Variants in GRK3 observed in about 807,000 individuals in gnomAD.
GRK3 encodes the protein G protein-coupled receptor kinase 3, also known as adrenergic, beta, receptor kinase 2.
In GRK3, 54 loss-of-function variants were observed where a neutral mutation model predicts 95.7. The observed-to-expected ratio is 0.56, with a 90% CI of 0.45 to 0.71. The LOEUF is 0.71. GRK3 is among the 30% of genes least tolerant of loss of function. The pLI, the probability that GRK3 is intolerant of heterozygous loss-of-function variation, is 0.00. For missense variants in GRK3, 649 were observed against 851.2 expected, an observed-to-expected ratio of 0.76 and a Z score of 2.96; for synonymous variants, 281 against 290.8, an observed-to-expected ratio of 0.97 and a Z score of 0.34.
chr22:25,591,511 C>T (rs1326265407), intron 1 of GRK3, among the ~76,000 whole-genome samples: 1 of 152,068 alleles, frequency 6.6e-6, no homozygotes, highest in Admixed American at 6.5e-5. Context: ...CTTCCTCTGG[C>T]AACAAGCCCC....
At chr22:25,658,206 A>C (rs1008738731) in intron 3 of GRK3, among the ~76,000 whole-genome samples, 1 of 152,146 alleles carries the variant, frequency 6.6e-6, no homozygotes, top group African/African-American at 2.4e-5. Context: ...CCTCTTGCAT[A>C]TGGGTCACAT....
chr22:25,587,846 G>GACGT (rs1234173756), intron 1 of GRK3, among the ~76,000 whole-genome samples: 2 of 152,200 alleles, frequency 1.3e-5, no homozygotes, highest in Non-Finnish European at 2.9e-5. Context: ...TGCTATGTAA[G>GACGT]ACGTACCCTT....
rs1031241546 is a variant in GRK3, at chr22:25,722,465, G to A, written c.*15G>A. The A allele has an allele frequency of 2.5e-5, 40 of 1,613,198 alleles. No homozygotes were observed. In the East Asian group the frequency reaches 8.9e-4, roughly 36 times the overall value. On this transcript the variant is annotated 3_prime_UTR_variant, in exon 21 of 21. Transcript: ENST00000324198. Reference sequence around the variant, plus strand: ...ACGGCCTCTAGCACCCAGAAACAGGGAGGGTCCTCGAGGAGGACACACCAG... The same window carrying A: ...ACGGCCTCTAGCACCCAGAAACAGGAAGGGTCCTCGAGGAGGACACACCAG...
chr22:25,607,395 A>G (rs2084458961), intron 2 of GRK3, among the ~76,000 whole-genome samples: 2 of 151,834 alleles, frequency 1.3e-5, no homozygotes, highest in Non-Finnish European at 2.9e-5. Context: ...GTATTCAAAT[A>G]CTGTTCTTGT....
intron 5 of GRK3, among the ~76,000 whole-genome samples, chr22:25,667,382 A>G (rs1257931238): frequency 2.6e-5 from 4 of 152,208 alleles, no homozygotes; most frequent in Admixed American, 2.0e-4. Flanking sequence ...AAGAATTTCA[A>G]AATGGCAACA....
intron 15 of GRK3, among the ~76,000 whole-genome samples, chr22:25,706,681 C>T (rs1356008569): frequency 6.6e-6 from 1 of 152,086 alleles, no homozygotes; most frequent in African/African-American, 2.4e-5. Context: ...CAGGTGTGCA[C>T]CACCACGCCC....
intron 2 of GRK3, among the ~76,000 whole-genome samples, chr22:25,632,450 A>G (rs1215130601): frequency 1.3e-5 from 2 of 152,154 alleles, no homozygotes; most frequent in African/African-American, 2.4e-5. Flanking sequence ...TAGCAGATAT[A>G]TATTTTGCAA....
chr22:25,599,902 G>A (rs569276665), intron 1 of GRK3, among the ~76,000 whole-genome samples: 1 of 152,272 alleles, frequency 6.6e-6, no homozygotes, highest in African/African-American at 2.4e-5. Flanking sequence ...CTGTGTTGCT[G>A]ATGGGAATCT....
At chr22:25,678,026 A>G (rs999276409) in intron 8 of GRK3, among the ~76,000 whole-genome samples, 11 of 152,236 alleles carry the variant, frequency 7.2e-5, no homozygotes, top group African/African-American at 2.7e-4. Context: ...AAACGTCATA[A>G]CTTAAATATC....
intron 1 of GRK3, among the ~76,000 whole-genome samples, chr22:25,592,625 A>C (rs112933419): frequency 0.073 from 10,317 of 141,574 alleles, 469 homozygotes; most frequent in African/African-American, 0.15. Flanking sequence ...ACCTATGGTC[A>C]ATCTTGAATT....
intron 1 of GRK3, among the ~76,000 whole-genome samples, chr22:25,572,491 A>C (rs1931738843): frequency 6.6e-6 from 1 of 152,144 alleles, no homozygotes; most frequent in African/African-American, 2.4e-5. Context: ...AAGTGTTCTT[A>C]TTTCTCCACA....
chr22:25,633,903 G>A (rs2084681535), intron 2 of GRK3, among the ~76,000 whole-genome samples: 1 of 152,108 alleles, frequency 6.6e-6, no homozygotes, highest in South Asian at 2.1e-4. Flanking sequence ...TAGTTATGGT[G>A]AGTGTTCACT....
chr22:25,645,889 C>A (rs1045820463), intron 3 of GRK3, among the ~76,000 whole-genome samples: 9 of 151,652 alleles, frequency 5.9e-5, no homozygotes, highest in African/African-American at 2.2e-4. Context: ...CCACTGCACT[C>A]CAGCCTGGGC....
intron 2 of GRK3, among the ~76,000 whole-genome samples, chr22:25,616,282 C>A (rs1247577063): frequency 1.3e-5 from 2 of 152,048 alleles, no homozygotes; most frequent in East Asian, 3.9e-4. Context: ...TTTCCACAGG[C>A]CTAAGAGGAA....
At chr22:25,717,823 A>G (rs747815247) in intron 18 of GRK3, among the ~76,000 whole-genome samples, 1 of 152,112 alleles carries the variant, frequency 6.6e-6, no homozygotes, top group Non-Finnish European at 1.5e-5. Flanking sequence ...AATTCCCACT[A>G]TTATTATTTT....
chr22:25,713,659 A>G (rs2085361294), intron 17 of GRK3, among the ~76,000 whole-genome samples: 2 of 152,264 alleles, frequency 1.3e-5, no homozygotes, highest in East Asian at 1.9e-4. Flanking sequence ...TATTTCTGCT[A>G]TAAAAATGTA....
At chr22:25,626,816 G>A (rs1336353753) in intron 2 of GRK3, among the ~76,000 whole-genome samples, 1 of 152,212 alleles carries the variant, frequency 6.6e-6, no homozygotes, top group Admixed American at 6.5e-5. Flanking sequence ...GCTATCGTCT[G>A]CCCCCAGTGG....
Position 25,663,720 on chromosome 22 carries a change from T to C in GRK3, c.441+16T>C. ...TCTTTTTCAGGTAAGATAAAATTATTCCAAAATAAATAGATAATATTTGCT... is the reference window on the plus strand; with the variant it reads ...TCTTTTTCAGGTAAGATAAAATTATCCCAAAATAAATAGATAATATTTGCT... On this transcript the variant is annotated intron_variant, in intron 5 of 20. Transcript: ENST00000324198. The C allele has an allele frequency of 6.4e-7, 1 of 1,562,496 alleles. No homozygotes were observed. The highest frequency in any genetic ancestry group is 8.8e-7 in the Non-Finnish European group (1 of 1,135,972).
intron 15 of GRK3, 104 bp downstream of exon 15, chr22:25,704,313 T>G (rs2085282885): frequency 5.1e-6 from 4 of 784,108 alleles, no homozygotes; most frequent in Admixed American, 6.1e-5. Flanking sequence ...AATCTTCCAT[T>G]TTGACTTGAA....
Sources: gnomAD v4.1 joint callset for allele counts (sites outside exome capture counted in the v4.1 genomes callset) on GRCh38, gnomAD v4.1.1 for gene constraint, MANE v1.5 for transcripts, NCBI Gene and HGNC (gene_info 2026-07-23, HGNC 2026-07-21) for gene names.